Variants in BRD9 observed in about 807,000 individuals in gnomAD.
The protein encoded by BRD9 is bromodomain containing 9, also known as bromodomain-containing protein 9.
Under a neutral mutation model 68.7 loss-of-function variants are expected in BRD9, and 47 were observed. That is an observed-to-expected ratio of 0.68 (90% CI 0.54 to 0.87). The LOEUF (loss-of-function observed/expected upper bound fraction) is 0.87, where lower values mean the gene tolerates loss of function less well. Among genes scored for constraint, BRD9 ranks in the 40% least tolerant of loss-of-function variants. The pLI, the probability that BRD9 is intolerant of heterozygous loss-of-function variation, is 0.00. For synonymous variants in BRD9, 313 were observed against 293.9 expected (o/e 1.06, Z -0.67); for missense variants, 670 against 748.4 (o/e 0.90, Z 1.22).
At chr5:892,534 C>T (rs1753618287) in intron 1 of BRD9, 72 bp downstream of exon 1, 19 of 1,512,342 alleles carry the variant, frequency 1.3e-5, no homozygotes, top group Non-Finnish European at 1.5e-5. Context: ...GGACCCCCGT[C>T]CGCGTGCCCG....
chr5:890,788 G>T (rs1438762391), intron 3 of BRD9, among the ~76,000 whole-genome samples: 3 of 152,132 alleles, frequency 2.0e-5, no homozygotes, highest in Non-Finnish European at 4.4e-5. Flanking sequence ...ACCCAGGGCT[G>T]GCAAACTTTT....
Position 871,568 on chromosome 5 carries a change from A to C in BRD9, c.1384-4T>G, listed in dbSNP as rs753669540. On this transcript the variant is annotated splice_polypyrimidine_tract_variant and splice_region_variant and intron_variant, in intron 12 of 15. Transcript: ENST00000467963. ...GCTTCATGGGAACATTTCTTCTCTG[A>C]AAAGTAAATGAGGACAGAAACTAGT... The C allele has an allele frequency of 1.2e-6, 2 of 1,614,032 alleles. No homozygotes were observed. Among genetic ancestry groups the C allele is most frequent in the South Asian group, 2.2e-5 (2 of 91,072 alleles).
chr5:869,405 C>CT, intron 14 of BRD9: 1 of 454,580 alleles, frequency 2.2e-6, no homozygotes, highest in South Asian at 1.6e-5. Context: ...CTGAAAGAAA[C>CT]TGAGTATTTT....
At chr5:890,700 C>T (rs1753226503) in intron 3 of BRD9, among the ~76,000 whole-genome samples, 1 of 152,214 alleles carries the variant, frequency 6.6e-6, no homozygotes, top group South Asian at 2.1e-4. Context: ...CACTGACATG[C>T]ATCTCTCTTA....
At position 889,004 on chromosome 5, in the gene BRD9, C is replaced by A; in HGVS notation, c.606+17G>T. 1.9e-6 allele frequency: 3 copies of A among 1,602,082 alleles called. No individual in the cohort carries two copies. The highest frequency in any genetic ancestry group is 2.6e-6 in the Non-Finnish European group (3 of 1,175,016). Reference sequence around the variant, plus strand: ...AGAACTATGCCACGATTACTTCGGGCAATGAAAGTAACTTACCTTAAATTC... The same window carrying A: ...AGAACTATGCCACGATTACTTCGGGAAATGAAAGTAACTTACCTTAAATTC... On this transcript the variant is annotated intron_variant, in intron 5 of 15. Transcript: ENST00000467963.
At chr5:875,611 T>C (rs915124197) in intron 12 of BRD9, among the ~76,000 whole-genome samples, 2 of 152,164 alleles carry the variant, frequency 1.3e-5, no homozygotes, top group Non-Finnish European at 2.9e-5. Flanking sequence ...CCTCCCAAAG[T>C]GCTGGGATTA....
chr5:891,928 T>G, intron 1 of BRD9, 74 bp from the exon 2 acceptor site: 1 of 1,531,724 alleles, frequency 6.5e-7, no homozygotes, highest in Non-Finnish European at 8.8e-7. Flanking sequence ...GACGTGAAGG[T>G]GCTAAGAGGG....
chr5:883,722 G>T, intron 8 of BRD9: 1 of 627,770 alleles, frequency 1.6e-6, no homozygotes, highest in Non-Finnish European at 2.7e-6. Flanking sequence ...CCTCCACGAT[G>T]CATGAAACAC....
intron 4 of BRD9, 141 bp from the exon 5 acceptor site, chr5:889,306 T>C (rs1188916385): frequency 4.0e-6 from 4 of 997,186 alleles, no homozygotes; most frequent in Non-Finnish European, 5.8e-6. Context: ...TAATTTATTG[T>C]GATAGGTATT....
At chr5:864,696 C>T (rs1187497368) in intron 15 of BRD9, 128 bp from the exon 16 acceptor site, 1 of 702,402 alleles carries the variant, frequency 1.4e-6, no homozygotes, top group Non-Finnish European at 2.4e-6. Context: ...CACAGGGGCA[C>T]CTCTCACTCC....
intron 6 of BRD9, chr5:887,057 T>G (rs1752679558): frequency 1.9e-6 from 1 of 531,898 alleles, no homozygotes; most frequent in Non-Finnish European, 3.4e-6. Flanking sequence ...CCCGTCTGGA[T>G]TCAGTGAGGC....
intron 11 of BRD9, among the ~76,000 whole-genome samples, 169 bp downstream of exon 11, chr5:878,186 G>A (rs1331907927): frequency 2.6e-5 from 4 of 152,214 alleles, no homozygotes; most frequent in Non-Finnish European, 4.4e-5. Context: ...GGACTGGCCT[G>A]TGGCAGACCT....
At chr5:868,192 C>T (rs1307498902) in intron 14 of BRD9, among the ~76,000 whole-genome samples, 13 of 152,190 alleles carry the variant, frequency 8.5e-5, no homozygotes, top group East Asian at 1.9e-4. Context: ...CTTCATCTTC[C>T]GCCATGATTG....
chr5:872,387 C>CA (rs1290235672), intron 12 of BRD9, among the ~76,000 whole-genome samples: 2 of 152,214 alleles, frequency 1.3e-5, no homozygotes, highest in African/African-American at 4.8e-5. Context: ...ACTCCATATC[C>CA]AAGTTCACTT....
rs144511329 is a variant in BRD9 at position 885,563 on chromosome 5, C to T, written c.833+1029G>A. ...GTCCCTGACTTCCCACAAGATGGCA[C>T]AAAAGCAATACACTTCAGCAGAAAC... On this transcript the variant is annotated intron_variant, in intron 7 of 15. Transcript: ENST00000467963. 6.3e-3 allele frequency among the ~76,000 whole-genome samples: 954 copies of T among 152,364 alleles called. 11 individuals carry two copies. Among genetic ancestry groups the T allele is most frequent in the African/African-American group, 0.021 (874 of 41,584 alleles).
chr5:887,256 C>T lies in BRD9; in HGVS notation c.717+105G>A, dbSNP rs1440488249. 2.4e-5 allele frequency: 22 copies of T among 934,764 alleles called. No homozygotes were observed. The East Asian group carries it at 3.4e-4, about 14-fold the overall frequency. 57.9% of individuals were successfully genotyped at this position (934,764 alleles called of 1,614,324 possible). A position where few individuals can be genotyped will look rare whatever the true frequency, so the allele number is the denominator to read the frequency against. ...AAAGGGGGCAACACCATGAGGGTGGCGGGTGGATGGAGCACGTGTTCACTG... is the reference window on the plus strand; with the variant it reads ...AAAGGGGGCAACACCATGAGGGTGGTGGGTGGATGGAGCACGTGTTCACTG... On this transcript the variant is annotated intron_variant, in intron 6 of 15. Transcript: ENST00000467963.
chr5:885,375 C>T (rs572878560), intron 7 of BRD9, among the ~76,000 whole-genome samples: 5 of 152,342 alleles, frequency 3.3e-5, no homozygotes, highest in East Asian at 3.9e-4. Flanking sequence ...TCCCTTTTGA[C>T]GGTTGGAGGG....
Position 876,124 on chromosome 5 carries a change from T to C in BRD9, c.1360A>G (p.Arg454Gly), listed in dbSNP as rs969811508. 6.8e-6 allele frequency: 11 copies of C among 1,613,346 alleles called. No individual in the cohort carries two copies. Among genetic ancestry groups the C allele is most frequent in the Non-Finnish European group, 9.3e-6 (11 of 1,179,780 alleles). Residue 454 changes from arginine (R) to glycine (G), a missense_variant, in exon 12 of 16, where the codon AGG becomes GGG. By Grantham distance (125) the Arg-to-Gly change is moderately radical. Transcript: ENST00000467963. The part of the protein sequence containing the change: ...LDQITGGDHS[R>G]TLFQLKQRRN... The stretch of plus-strand genomic sequence containing the variant: ...ACCTGCTTCAGCTGGAAGAGCGTCC[T>C]AGAGTGGTCTCCGCCTGTGATCTGG...
rs1753631759 is a variant in BRD9 at position 892,599 on chromosome 5, G to A, written c.52+7C>T. The A allele has an allele frequency of 2.0e-6, 3 of 1,535,606 alleles. No individual in the cohort carries two copies. The highest frequency in any genetic ancestry group is 2.4e-5 in the South Asian group (2 of 83,448). On this transcript the variant is annotated splice_region_variant and intron_variant, in intron 1 of 15. Transcript: ENST00000467963. The stretch of plus-strand genomic sequence containing the variant: ...CCGCCGCGCGTCACAAAGCGCCGCC[G>A]CCTCACCCTCGTAGGACGAGCGCCA...
Sources: allele counts gnomAD v4.1 joint callset (sites outside exome capture counted in the v4.1 genomes callset), GRCh38; gene constraint gnomAD v4.1.1; transcripts MANE v1.5; gene names NCBI Gene and HGNC (gene_info 2026-07-23, HGNC 2026-07-21).